The following STAU2 variants were observed in gnomAD, a reference collection of about 807,000 sequenced individuals.
STAU2 encodes the protein double-stranded RNA-binding protein Staufen homolog 2.
A neutral mutation model predicts 65.9 loss-of-function variants in STAU2; 20 were observed. The ratio of observed to expected loss-of-function variants is 0.30; its 90% CI spans 0.21 to 0.44. The LOEUF is 0.44. Among genes scored for constraint, STAU2 ranks in the 20% least tolerant of loss-of-function variants. The pLI is 1.00. For synonymous variants in STAU2, 232 were observed against 233.9 expected, an observed-to-expected ratio of 0.99 and a Z score of 0.07; for missense variants, 558 against 683.9, an observed-to-expected ratio of 0.82 and a Z score of 2.05.
intron 12 of STAU2, among the ~76,000 whole-genome samples, chr8:73,581,934 C>T (rs933444625): frequency 6.6e-6 from 1 of 152,148 alleles, no homozygotes; most frequent in Non-Finnish European, 1.5e-5. Flanking sequence ...TAAGCTTTTT[C>T]AGTGCCCAGA....
chr8:73,615,725 T>C lies in STAU2; in HGVS notation c.628A>G (p.Ser210Gly). The C allele has an allele frequency of 6.2e-7, 1 of 1,613,906 alleles. No individual in the cohort carries two copies. The highest frequency in any genetic ancestry group is 8.5e-7 in the Non-Finnish European group (1 of 1,179,976). Residue 210 changes from serine to glycine, a missense_variant, in exon 8 of 15, where the codon AGC (serine) becomes GGC (glycine). By Grantham distance (56) the Ser-to-Gly change is moderately conservative (BLOSUM62 0). Around this residue, in one of 3 missense-constraint regions of STAU2, gnomAD observed 199 missense variants for 299.5 expected, o/e 0.66. Transcript: ENST00000524300. ...DDKDANKSEI[S>G]LVFEIALKRN... The stretch of plus-strand genomic sequence containing the variant: ...TTCAGAGCAATTTCAAACACTAAGC[T>C]GATCTCAGACTTATTTGCATCTTTG...
chr8:73,726,954 G>A (rs775821037), intron 3 of STAU2, among the ~76,000 whole-genome samples: 8 of 152,134 alleles, frequency 5.3e-5, no homozygotes, highest in Non-Finnish European at 1.0e-4. Flanking sequence ...GTTCGGCTGG[G>A]CACGGTGGCT....
intron 13 of STAU2, among the ~76,000 whole-genome samples, chr8:73,434,065 C>CGGGGTCCACT (rs1372305045): frequency 6.6e-6 from 1 of 151,826 alleles, no homozygotes; most frequent in Non-Finnish European, 1.5e-5. Context: ...TGGGTTCTCC[C>CGGGGTCCACT]GGGGTCCACT....
intron 3 of STAU2, among the ~76,000 whole-genome samples, chr8:73,721,049 G>T (rs533876229): frequency 6.8e-6 from 1 of 148,068 alleles, no homozygotes; most frequent in Non-Finnish European, 1.5e-5. Flanking sequence ...GGAGGCAGAG[G>T]CAGGAGGATC....
At chr8:73,489,007 C>CT (rs1365867221) in intron 13 of STAU2, among the ~76,000 whole-genome samples, 4 of 151,520 alleles carry the variant, frequency 2.6e-5, no homozygotes, top group Non-Finnish European at 4.4e-5. Flanking sequence ...TCTATCAATT[C>CT]TTAAGGGATT....
chr8:73,588,110 C>G (rs1810505687), intron 11 of STAU2, among the ~76,000 whole-genome samples: 1 of 152,108 alleles, frequency 6.6e-6, no homozygotes, highest in Non-Finnish European at 1.5e-5. Flanking sequence ...TCCTTAGAAT[C>G]TGGAAACATA....
chr8:73,609,363 T>A (rs1448015246), intron 9 of STAU2, among the ~76,000 whole-genome samples: 1 of 151,496 alleles, frequency 6.6e-6, no homozygotes, highest in Non-Finnish European at 1.5e-5. Flanking sequence ...AAAAAAAAAT[T>A]AAATAAAGGG....
chr8:73,746,919 GGCGCTCCCGCCGCGCCCTCCC>G (rs1807334627), upstream of STAU2: 1 of 920,418 alleles, frequency 1.1e-6, no homozygotes, highest in Non-Finnish European at 1.3e-6. Context: ...CCGCCTCCCC[GGCGCTCCCGCCGCGCCCTCCC>G]GCGCTCGCGC....
upstream of STAU2, chr8:73,746,844 C>A (rs1392042609): frequency 1.6e-6 from 2 of 1,223,742 alleles, no homozygotes; most frequent in Non-Finnish European, 1.0e-6. Context: ...GAGAACTGAC[C>A]CCGCTCGGCC....
intron 7 of STAU2, 127 bp from the exon 8 acceptor site, chr8:73,615,909 G>T: frequency 1.5e-6 from 1 of 648,102 alleles, no homozygotes; most frequent in Non-Finnish European, 2.6e-6. Flanking sequence ...TGTATCTGCT[G>T]CATTCTCCTG....
At chr8:73,688,892 A>C in intron 4 of STAU2, 79 bp from the exon 5 acceptor site, 1 of 1,521,176 alleles carries the variant, frequency 6.6e-7, no homozygotes, top group Non-Finnish European at 8.9e-7. Flanking sequence ...AGAAAAATAA[A>C]CATCATAGAA....
At chr8:73,657,869 C>T (rs564356410) in intron 6 of STAU2, among the ~76,000 whole-genome samples, 2 of 151,952 alleles carry the variant, frequency 1.3e-5, no homozygotes, top group South Asian at 2.1e-4. Flanking sequence ...CAAAAATTAG[C>T]TGGGTGTGGT....
intron 13 of STAU2, among the ~76,000 whole-genome samples, chr8:73,426,944 T>G (rs1197609924): frequency 6.7e-6 from 1 of 150,116 alleles, no homozygotes; most frequent in Non-Finnish European, 1.5e-5. Context: ...TTTTTTTTTT[T>G]TGAGACAGAG....
chr8:73,578,610 C>T (rs570143178), intron 12 of STAU2, among the ~76,000 whole-genome samples: 2 of 152,254 alleles, frequency 1.3e-5, no homozygotes, highest in East Asian at 3.9e-4. Context: ...CCATTGCTCC[C>T]AATTGCTTCA....
chr8:73,738,400 T>C (rs1438627574), intron 2 of STAU2, 51 bp from the exon 3 acceptor site: 3 of 1,328,310 alleles, frequency 2.3e-6, no homozygotes, highest in East Asian at 4.7e-5. Flanking sequence ...ATAACCTCAA[T>C]GACTGGTATT....
intron 13 of STAU2, among the ~76,000 whole-genome samples, chr8:73,461,131 G>C (rs1423280037): frequency 6.6e-6 from 1 of 152,158 alleles, no homozygotes; most frequent in Non-Finnish European, 1.5e-5. Context: ...GGAGACTTAG[G>C]GGAAGTTACT....
chr8:73,584,018 T>A (rs16938698), intron 11 of STAU2, among the ~76,000 whole-genome samples: 3 of 152,226 alleles, frequency 2.0e-5, no homozygotes, highest in African/African-American at 7.2e-5. Context: ...TTTACCCATG[T>A]TCATTTTTAA....
intron 11 of STAU2, among the ~76,000 whole-genome samples, chr8:73,588,830 C>T (rs1810565364): frequency 6.6e-6 from 1 of 151,960 alleles, no homozygotes; most frequent in African/African-American, 2.4e-5. Flanking sequence ...CCCAAAAATC[C>T]AAGATAAAAT....
At chr8:73,575,076 G>A in intron 12 of STAU2, among the ~76,000 whole-genome samples, 1 of 145,630 alleles carries the variant, frequency 6.9e-6, no homozygotes. Flanking sequence ...AAAGAAAACA[G>A]AGAAGAATTT....
Sources: allele counts gnomAD v4.1 joint callset (sites outside exome capture counted in the v4.1 genomes callset), GRCh38; gene constraint gnomAD v4.1.1; regional missense constraint gnomAD v4.1.1; transcripts MANE v1.5; gene names NCBI Gene and HGNC (gene_info 2026-07-23, HGNC 2026-07-21).